The following MAGI1 variants were observed in gnomAD, a reference collection of about 807,000 sequenced individuals.
MAGI1 encodes membrane associated guanylate kinase, WW and PDZ domain containing 1, also known as membrane-associated guanylate kinase, WW and PDZ domain-containing protein 1.
Under a neutral mutation model 139.9 loss-of-function variants are expected in MAGI1, and 58 were observed. The observed-to-expected ratio is 0.41, with a 90% CI of 0.34 to 0.52. The LOEUF (loss-of-function observed/expected upper bound fraction) is 0.52, where lower values mean the gene tolerates loss of function less well. Ranked by LOEUF, MAGI1 falls within the 20% of genes least tolerant of loss-of-function variation. The pLI, the probability that MAGI1 is intolerant of heterozygous loss-of-function variation, is 0.12. For synonymous variants in MAGI1, 812 were observed against 737.9 expected (o/e 1.10, Z -1.63); for missense variants, 1,874 against 1,901.6 (o/e 0.99, Z 0.27).
intron 2 of MAGI1, among the ~76,000 whole-genome samples, chr3:65,495,159 C>T (rs1952333463): frequency 6.6e-6 from 1 of 152,172 alleles, no homozygotes; most frequent in African/African-American, 2.4e-5. Flanking sequence ...GAACAGTGGT[C>T]TGGAGTGGGA....
At chr3:65,917,377 G>C (rs778918416) in intron 1 of MAGI1, among the ~76,000 whole-genome samples, 3 of 152,208 alleles carry the variant, frequency 2.0e-5, no homozygotes, top group Non-Finnish European at 2.9e-5. Flanking sequence ...TGCCACTTTG[G>C]AAGACAGTTT....
rs945232094 is a variant in MAGI1, at chr3:65,850,458, T to C, written c.313+187538A>G. ...TAGTCATCCTAATGCAAAGATATCC[T>C]TGAAGTGTCAAGATAAGCAAGACAC... is the stretch of plus-strand genomic sequence containing the variant. On this transcript the variant is annotated intron_variant, in intron 1 of 22. Transcript: ENST00000402939. Among the ~76,000 whole-genome samples the C allele has an allele frequency of 4.6e-5, 7 of 152,274 alleles. No homozygotes were observed. In the East Asian group the frequency reaches 1.4e-3, roughly 29 times the overall value.
intron 1 of MAGI1, among the ~76,000 whole-genome samples, chr3:65,700,208 C>T (rs995013387): frequency 6.6e-6 from 1 of 152,046 alleles, no homozygotes; most frequent in African/African-American, 2.4e-5. Flanking sequence ...TTTTGGGAGG[C>T]CGAGGCGGGC....
chr3:65,612,447 T>A (rs1281999094), intron 2 of MAGI1, among the ~76,000 whole-genome samples: 2 of 152,176 alleles, frequency 1.3e-5, no homozygotes, highest in Non-Finnish European at 2.9e-5. Flanking sequence ...TACCCCTAAA[T>A]ACATTAGCAT....
intron 1 of MAGI1, among the ~76,000 whole-genome samples, chr3:65,811,104 C>G (rs1255223227): frequency 1.3e-5 from 2 of 152,174 alleles, no homozygotes; most frequent in African/African-American, 2.4e-5. Context: ...ATAGAAAATA[C>G]AGTATCAAAG....
At chr3:65,484,825 A>T (rs1021403725) in intron 3 of MAGI1, among the ~76,000 whole-genome samples, 2 of 152,134 alleles carry the variant, frequency 1.3e-5, no homozygotes, top group Non-Finnish European at 2.9e-5. Flanking sequence ...TGTCCTTATC[A>T]GTTCTTATAT....
At chr3:65,669,098 G>A (rs991048935) in intron 1 of MAGI1, among the ~76,000 whole-genome samples, 2 of 150,224 alleles carry the variant, frequency 1.3e-5, no homozygotes, top group African/African-American at 2.5e-5. Context: ...CACCAAGCCT[G>A]GCTAATTTTT....
rs929693059 is a variant in MAGI1, at chr3:65,354,030, T to C, written c.*2348A>G. 1 of 152,208 alleles carries C rather than the reference T, an allele frequency of 6.6e-6. No individual in the cohort carries two copies. The highest frequency in any genetic ancestry group is 1.5e-5 in the Non-Finnish European group (1 of 68,042). The allele number at this position is 152,208 out of a possible 1,614,324, so 9.4% of individuals were successfully genotyped here. ...TCAAGATGTTAACTTCAGGATATAT[T>C]CCCAAAATCCACCTTGATTTCATTT... On this transcript the variant is annotated 3_prime_UTR_variant, in exon 23 of 23. Transcript: ENST00000402939.
chr3:65,423,384 G>GCGCACACACA (rs142297661), intron 12 of MAGI1, among the ~76,000 whole-genome samples: 2 of 151,446 alleles, frequency 1.3e-5, no homozygotes, highest in Admixed American at 6.6e-5. Context: ...GCACACACGC[G>GCGCACACACA]CACACACACA....
chr3:65,930,172 C>A (rs1037058954), intron 1 of MAGI1, among the ~76,000 whole-genome samples: 2 of 151,674 alleles, frequency 1.3e-5, no homozygotes, highest in African/African-American at 2.4e-5. Context: ...AAAAATTAGT[C>A]GGGCGCAGTG....
chr3:65,360,807 C>T (rs570903972), intron 22 of MAGI1: 8 of 1,044,294 alleles, frequency 7.7e-6, no homozygotes, highest in African/African-American at 6.7e-5. Flanking sequence ...ATAATTGTGC[C>T]TCAACATATC....
intron 2 of MAGI1, among the ~76,000 whole-genome samples, chr3:65,583,509 A>G (rs1268909706): frequency 6.6e-6 from 1 of 152,144 alleles, no homozygotes; most frequent in Non-Finnish European, 1.5e-5. Flanking sequence ...CTAAGATTCT[A>G]AGAATGATAT....
intron 1 of MAGI1, among the ~76,000 whole-genome samples, chr3:65,852,492 C>T (rs553822425): frequency 6.6e-6 from 1 of 151,206 alleles, no homozygotes; most frequent in South Asian, 2.1e-4. Flanking sequence ...TGAAGACACA[C>T]TTGACACCAA....
intron 2 of MAGI1, among the ~76,000 whole-genome samples, chr3:65,539,084 G>A (rs559206235): frequency 2.0e-5 from 3 of 150,104 alleles, no homozygotes; most frequent in East Asian, 2.0e-4. Flanking sequence ...ACAGACACAC[G>A]TAGCAACTAC....
intron 2 of MAGI1, among the ~76,000 whole-genome samples, chr3:65,547,775 T>C (rs2079574173): frequency 6.6e-6 from 1 of 152,166 alleles, no homozygotes; most frequent in Admixed American, 6.5e-5. Context: ...GTTTGCCCTA[T>C]GTTTAGGTAC....
chr3:65,623,202 A>T (rs1029932320), intron 1 of MAGI1, among the ~76,000 whole-genome samples: 2 of 152,180 alleles, frequency 1.3e-5, no homozygotes, highest in African/African-American at 4.8e-5. Context: ...AGACATAGAC[A>T]TCTCCCTATC....
chr3:65,693,463 T>C (rs753117700), intron 1 of MAGI1, among the ~76,000 whole-genome samples: 12 of 152,122 alleles, frequency 7.9e-5, no homozygotes, highest in Non-Finnish European at 1.5e-4. Context: ...AGCACAAGAA[T>C]TGCCCACGTT....
At chr3:65,766,034 G>C (rs755020788) in intron 1 of MAGI1, among the ~76,000 whole-genome samples, 5 of 152,148 alleles carry the variant, frequency 3.3e-5, no homozygotes, top group African/African-American at 4.8e-5. Context: ...GAGTAGGCAG[G>C]ACTAAAGTAT....
chr3:65,558,210 C>G (rs1477951326), intron 2 of MAGI1, among the ~76,000 whole-genome samples: 1 of 55,936 alleles, frequency 1.8e-5, no homozygotes, highest in Non-Finnish European at 5.1e-5. Flanking sequence ...GTCCAAGTGC[C>G]CCCATCTGTT....
Sources: gnomAD v4.1 joint callset for allele counts (sites outside exome capture counted in the v4.1 genomes callset) on GRCh38, gnomAD v4.1.1 for gene constraint, MANE v1.5 for transcripts, NCBI Gene and HGNC (gene_info 2026-07-23, HGNC 2026-07-21) for gene names.